The following COL6A6 variants were observed in gnomAD, a reference collection of about 807,000 sequenced individuals.
The protein encoded by COL6A6 is collagen type VI alpha 6 chain, also known as collagen alpha-6(VI) chain.
In COL6A6, 183 loss-of-function variants were observed where a neutral mutation model predicts 208.6. That is an observed-to-expected ratio of 0.88 (90% CI 0.78 to 0.99). The LOEUF (loss-of-function observed/expected upper bound fraction) is 0.99, where lower values mean the gene tolerates loss of function less well. COL6A6 is among the 50% of genes least tolerant of loss of function. The pLI is 0.00. For missense variants in COL6A6, 2,816 were observed against 2,815.2 expected, an observed-to-expected ratio of 1.00 and a Z score of -0.01; for synonymous variants, 973 against 1,011.8, an observed-to-expected ratio of 0.96 and a Z score of 0.73.
chr3:130,593,346 C>A (rs2063768174), intron 17 of COL6A6, 94 bp downstream of exon 17: 1 of 984,524 alleles, frequency 1.0e-6, no homozygotes, highest in Non-Finnish European at 1.6e-6. Context: ...TGCTACAAAA[C>A]TGTTTTGTGA....
At position 130,606,925 on chromosome 3, in the gene COL6A6, T is replaced by G; in HGVS notation, c.4654-6T>G. Reference sequence around the variant, plus strand: ...TTAATGATATCCACCTTTTCTTCTATTTTAGGCAGCTCATGGCAGAAGGGG... The same window carrying G: ...TTAATGATATCCACCTTTTCTTCTAGTTTAGGCAGCTCATGGCAGAAGGGG... On this transcript the variant is annotated splice_polypyrimidine_tract_variant and splice_region_variant and intron_variant, in intron 20 of 36. Transcript: ENST00000358511. 1 of 1,606,796 alleles carries G rather than the reference T, an allele frequency of 6.2e-7. No individual in the cohort carries two copies. The highest frequency in any genetic ancestry group is 2.2e-5 in the East Asian group (1 of 44,704).
intron 13 of COL6A6, 68 bp downstream of exon 13, chr3:130,591,162 C>T (rs1013875512): frequency 2.3e-5 from 26 of 1,115,452 alleles, no homozygotes; most frequent in Admixed American, 4.1e-5. Flanking sequence ...TTCCTTGAGT[C>T]AATTCAGGGG....
chr3:130,555,863 CAACTT>C (rs139456143), intron 1 of COL6A6, among the ~76,000 whole-genome samples: 3,550 of 152,118 alleles, frequency 0.023, 129 homozygotes, highest in East Asian at 0.073. Context: ...CTGAGAAACT[CAACTT>C]GATAGTGGTG....
chr3:130,599,721 T>C (rs760127442), intron 19 of COL6A6, 36 bp from the exon 20 acceptor site: 4 of 1,611,056 alleles, frequency 2.5e-6, no homozygotes, highest in Non-Finnish European at 3.4e-6. Context: ...CAATGCTGCA[T>C]AATTACCGTC....
intron 1 of COL6A6, among the ~76,000 whole-genome samples, chr3:130,531,946 A>C (rs1331324986): frequency 2.0e-5 from 3 of 152,210 alleles, no homozygotes; most frequent in Non-Finnish European, 4.4e-5. Flanking sequence ...TCTGGTATAG[A>C]GATAGCACAG....
At chr3:130,665,119 T>A (rs765541947) in intron 36 of COL6A6, 23 bp downstream of exon 36, 1 of 1,525,708 alleles carries the variant, frequency 6.6e-7, no homozygotes, top group African/African-American at 1.4e-5. Context: ...TGGTGTTACT[T>A]GATAAATGAG....
chr3:130,649,355 T>A lies in COL6A6; in HGVS notation c.5526T>A (p.Ile1842=), dbSNP rs777090838. Residue 1842 remains isoleucine (I), a synonymous_variant, in exon 33 of 37, where the codon ATT becomes ATA. Coordinates refer to ENST00000358511, the MANE Select transcript of COL6A6 (RefSeq NM_001102608.3). ...PYERSSASRE[I]GRAMRFISRN... ...AGAGATCCTCTGCCAGCAGGGAGAT[T>A]GGCAGAGCAATGCGGTTTATTTCCA... The A allele has an allele frequency of 4.3e-6, 7 of 1,611,364 alleles. No homozygotes were observed. The highest frequency in any genetic ancestry group is 5.9e-6 in the Non-Finnish European group (7 of 1,178,826).
intron 35 of COL6A6, 23 bp from the exon 36 acceptor site, chr3:130,664,980 T>TA: frequency 6.7e-7 from 1 of 1,481,660 alleles, no homozygotes; most frequent in Non-Finnish European, 9.3e-7. Flanking sequence ...ATACAAGACT[T>TA]ATCACAGACT....
rs376992084 is a variant in COL6A6 at position 130,589,113 on chromosome 3, C to G, written c.4149C>G (p.Cys1383Trp). Residue 1383 changes from cysteine to tryptophan, a missense_variant, in exon 12 of 37, where the codon TGC becomes TGG. Physicochemically the swap from Cys to Trp is radical, Grantham distance 215 (BLOSUM62 -2). Coordinates refer to ENST00000358511, the MANE Select transcript of COL6A6 (RefSeq NM_001102608.3). ...AGGTCAATGTTGCTGAAAGGACATG[C>G]TGCTGTTTGTTCTGCAAGTGCATTG... ...KQLVNVAERT[C>W]CCLFCKCIGG... is the part of the protein sequence containing the mutation. 1.2e-6 allele frequency: 2 copies of G among 1,613,654 alleles called. No individual in the cohort carries two copies. The highest frequency in any genetic ancestry group is 1.7e-6 in the Non-Finnish European group (2 of 1,179,760).
chr3:130,671,056 T>A (rs893014756), intron 36 of COL6A6, among the ~76,000 whole-genome samples: 1 of 152,066 alleles, frequency 6.6e-6, no homozygotes, highest in African/African-American at 2.4e-5. Context: ...GAAAAGGAAC[T>A]CAACAGCTGG....
intron 31 of COL6A6, 105 bp downstream of exon 31, chr3:130,643,128 T>A: frequency 8.2e-7 from 1 of 1,215,856 alleles, no homozygotes; most frequent in Non-Finnish European, 1.2e-6. Flanking sequence ...TTCTTAAAAT[T>A]GGAGATGTCA....
intron 1 of COL6A6, among the ~76,000 whole-genome samples, chr3:130,547,625 T>C (rs550714687): frequency 2.0e-5 from 3 of 152,274 alleles, no homozygotes; most frequent in Non-Finnish European, 2.9e-5. Flanking sequence ...TCAATGTGTC[T>C]GGCCTGCCCA....
chr3:130,574,206 C>T lies in COL6A6; in HGVS notation c.3228C>T (p.Asn1076=). 2 of 1,614,010 alleles carry T rather than the reference C, an allele frequency of 1.2e-6. No individual in the cohort carries two copies. Among genetic ancestry groups the T allele is most frequent in the Admixed American group, 1.7e-5 (1 of 60,032 alleles). The part of the protein sequence containing the change: ...QIENIKQIFG[N]THIGAALREV... The stretch of plus-strand genomic sequence containing the variant: ...AAAACATCAAGCAGATCTTTGGAAA[C>T]ACACACATCGGTGCTGCACTCAGGG... The change falls in exon 8 of 37, where the codon AAC becomes AAT. Residue 1076 remains asparagine, a synonymous_variant. Coordinates refer to ENST00000358511, the MANE Select transcript of COL6A6 (RefSeq NM_001102608.3).
Position 130,664,858 on chromosome 3 carries a change from C to A in COL6A6, c.6503-145C>A, listed in dbSNP as rs144708299. The A allele has an allele frequency of 5.1e-5, 30 of 591,860 alleles. 2 individuals carry two copies. The African/African-American group carries it at 5.7e-4, about 11-fold the overall frequency. The allele number at this position is 591,860 out of a possible 1,614,324, so 36.7% of individuals were successfully genotyped here. Reference sequence around the variant, plus strand: ...AGTTTTAAAGATTCCCCTGAGAAATCTGCTTTCATTTCATGTGATCACCTT... The same window carrying A: ...AGTTTTAAAGATTCCCCTGAGAAATATGCTTTCATTTCATGTGATCACCTT... On this transcript the variant is annotated intron_variant, in intron 35 of 36. Coordinates refer to ENST00000358511, the MANE Select transcript of COL6A6 (RefSeq NM_001102608.3).
rs995297974 is a variant in COL6A6, at chr3:130,675,592, T to C, written c.*195T>C. 6 of 454,504 alleles carry C rather than the reference T, an allele frequency of 1.3e-5. No individual in the cohort carries two copies. The highest frequency in any genetic ancestry group is 1.1e-4 in the Admixed American group (3 of 27,088). The allele number at this position is 454,504 out of a possible 1,614,324, so 28.2% of individuals were successfully genotyped here. A position where few individuals can be genotyped will look rare whatever the true frequency, so the allele number is the denominator to read the frequency against. On this transcript the variant is annotated 3_prime_UTR_variant, in exon 37 of 37. Coordinates refer to ENST00000358511, the MANE Select transcript of COL6A6 (RefSeq NM_001102608.3). ...GACAATTCCAGCACTCTACGACTGATATGTCGAAGAACTGTTTCATTAGAA... is the reference window on the plus strand; with the variant it reads ...GACAATTCCAGCACTCTACGACTGACATGTCGAAGAACTGTTTCATTAGAA...
chr3:130,675,303 G>A lies in COL6A6; in HGVS notation c.6698G>A (p.Gly2233Asp). Residue 2233 changes from glycine to aspartate, a missense_variant, in exon 37 of 37, where the codon GGC becomes GAC. Physicochemically the swap from Gly to Asp is moderately conservative, Grantham distance 94 (BLOSUM62 -1). Coordinates refer to ENST00000358511, the MANE Select transcript of COL6A6 (RefSeq NM_001102608.3). ...TATCTTTCAAGAGTAGCAAGAAGTG[G>A]CAGAGATGATGCTATTCAAAATTTT... ...KKYLSRVARS[G>D]RDDAIQNFMR... 1 of 1,594,812 alleles carries A rather than the reference G, an allele frequency of 6.3e-7. No homozygotes were observed. The highest frequency in any genetic ancestry group is 1.3e-5 in the African/African-American group (1 of 74,762).
intron 23 of COL6A6, 74 bp downstream of exon 23, chr3:130,610,785 G>C: frequency 8.9e-7 from 1 of 1,117,558 alleles, no homozygotes; most frequent in Non-Finnish European, 1.3e-6. Context: ...CTTCCATACA[G>C]GTGGAGTTAT....
intron 33 of COL6A6, among the ~76,000 whole-genome samples, chr3:130,652,347 A>G (rs1013393930): frequency 6.6e-6 from 1 of 152,242 alleles, no homozygotes; most frequent in Non-Finnish European, 1.5e-5. Flanking sequence ...TCTCATTCAG[A>G]TATCAGCAAG....
Position 130,641,704 on chromosome 3 carries a change from C to G in COL6A6, c.5144C>G (p.Pro1715Arg), listed in dbSNP as rs542569979. Reference sequence around the variant, plus strand: ...GGATCCCCTGGGGAACCAGGACCTCCTGGACGTAAGGTAAGTAGAAAAACT... The same window carrying G: ...GGATCCCCTGGGGAACCAGGACCTCGTGGACGTAAGGTAAGTAGAAAAACT... ...EMGSPGEPGP[P>R]GRKGVKGAKG... Residue 1715 changes from proline to arginine, a missense_variant, in exon 29 of 37, where the codon CCT (proline) becomes CGT (arginine). By Grantham distance (103) the Pro-to-Arg change is moderately radical. Transcript: ENST00000358511. 6.9e-6 allele frequency: 11 copies of G among 1,593,382 alleles called. No individual in the cohort carries two copies. In the African/African-American group the frequency reaches 8.0e-5, roughly 12 times the overall value.
Sources: allele counts gnomAD v4.1 joint callset (sites outside exome capture counted in the v4.1 genomes callset), GRCh38; gene constraint gnomAD v4.1.1; transcripts MANE v1.5; gene names NCBI Gene and HGNC (gene_info 2026-07-23, HGNC 2026-07-21).